MLLT3: variants seen among roughly 807,000 people sequenced by gnomAD.
The protein encoded by MLLT3 is protein AF-9.
MLLT3 carries 4 observed loss-of-function variants against 53.2 expected under a neutral mutation model. The ratio of observed to expected loss-of-function variants is 0.08; its 90% confidence interval spans 0.04 to 0.17. The LOEUF is 0.17. Among genes scored for constraint, MLLT3 ranks in the 10% least tolerant of loss-of-function variants. The pLI is 1.00. For missense variants in MLLT3, 569 were observed against 684.0 expected, an observed-to-expected ratio of 0.83 and a Z score of 1.87; for synonymous variants, 283 against 230.6, an observed-to-expected ratio of 1.23 and a Z score of -2.06.
At chr9:20,480,225 T>C (rs1043864805) in intron 2 of MLLT3, among the ~76,000 whole-genome samples, 1 of 152,320 alleles carries the variant, frequency 6.6e-6, no homozygotes, top group Admixed American at 6.5e-5. Context: ...ACGCATGCTG[T>C]CTTCTTGAGA....
Position 20,341,708 on chromosome 9 carries a change from A to G in MLLT3, c.*4735T>C. 5.4e-6 allele frequency: 1 copy of G among 183,974 alleles called. No homozygotes were observed. Among genetic ancestry groups the G allele is most frequent in the Non-Finnish European group, 1.2e-5 (1 of 86,792 alleles). 11.4% of individuals were successfully genotyped at this position (183,974 alleles called of 1,614,324 possible). A position where few individuals can be genotyped will look rare whatever the true frequency, so the allele number is the denominator to read the frequency against. Reference sequence around the variant, plus strand: ...GAATGTATTTTATTCTCTTTGTTGTAGTAGTTGTTCTCCTTCCTGTCTAAT... The same window carrying G: ...GAATGTATTTTATTCTCTTTGTTGTGGTAGTTGTTCTCCTTCCTGTCTAAT... On this transcript the variant is annotated 3_prime_UTR_variant, in exon 11 of 11. Transcript: ENST00000380338.
chr9:20,499,137 C>T lies in MLLT3; in HGVS notation c.194-42351G>A, dbSNP rs1161732619. On this transcript the variant is annotated intron_variant, in intron 2 of 10. Transcript: ENST00000380338. Reference sequence around the variant, plus strand: ...ATCTCTGTCTCCATCTTCCCATGGGCTTCTTCCTGCCTCTGTATCTTCATA... The same window carrying T: ...ATCTCTGTCTCCATCTTCCCATGGGTTTCTTCCTGCCTCTGTATCTTCATA... Among the ~76,000 whole-genome samples the T allele has an allele frequency of 2.6e-5, 4 of 152,332 alleles. No homozygotes were observed. In the East Asian group the frequency reaches 7.7e-4, roughly 29 times the overall value.
intron 2 of MLLT3, among the ~76,000 whole-genome samples, chr9:20,573,216 G>T (rs2131166215): frequency 7.2e-6 from 1 of 137,960 alleles, no homozygotes; most frequent in Non-Finnish European, 1.5e-5. Context: ...AGTCTCACTT[G>T]GTCACCCAGG....
chr9:20,556,679 T>C (rs1368741471), intron 2 of MLLT3, among the ~76,000 whole-genome samples: 1 of 151,686 alleles, frequency 6.6e-6, no homozygotes, highest in East Asian at 1.9e-4. Context: ...CAAAACTCCA[T>C]CTCAAAATAA....
intron 2 of MLLT3, among the ~76,000 whole-genome samples, chr9:20,570,516 C>G (rs147200263): frequency 8.1e-4 from 124 of 152,288 alleles, no homozygotes; most frequent in African/African-American, 3.0e-3. Flanking sequence ...TTACATCAAA[C>G]TATTTTTGTT....
chr9:20,543,379 T>C (rs1454344503), intron 2 of MLLT3, among the ~76,000 whole-genome samples: 2 of 152,258 alleles, frequency 1.3e-5, no homozygotes, highest in African/African-American at 4.8e-5. Context: ...TTCACTGGAA[T>C]ACACAGTTCA....
At chr9:20,577,860 T>A (rs1181677775) in intron 2 of MLLT3, among the ~76,000 whole-genome samples, 1 of 152,232 alleles carries the variant, frequency 6.6e-6, no homozygotes, top group Non-Finnish European at 1.5e-5. Context: ...TTCAGCTTCC[T>A]GATTACAGCA....
At chr9:20,446,252 G>A (rs1026168084) in intron 4 of MLLT3, among the ~76,000 whole-genome samples, 8 of 152,152 alleles carry the variant, frequency 5.3e-5, no homozygotes, top group Non-Finnish European at 1.0e-4. Context: ...TTATTTTAGA[G>A]TTGTCAAGAC....
intron 4 of MLLT3, among the ~76,000 whole-genome samples, chr9:20,445,295 A>C (rs1201840653): frequency 2.0e-5 from 3 of 152,200 alleles, no homozygotes; most frequent in Non-Finnish European, 4.4e-5. Context: ...ACAAGAATAT[A>C]CTTAATATTA....
chr9:20,349,711 C>G (rs577977791), intron 10 of MLLT3, among the ~76,000 whole-genome samples: 1 of 152,174 alleles, frequency 6.6e-6, no homozygotes. Context: ...AACGTCAGCC[C>G]GGGCATTTCT....
rs142513672 is a variant in MLLT3 at position 20,393,836 on chromosome 9, G to T, written c.1125+19885C>A. ...GCATAGAAAACTAAGAGTAACAAGA[G>T]AAAGTGATAACTGTAACTTGAGATA... On this transcript the variant is annotated intron_variant, in intron 5 of 10. Coordinates refer to ENST00000380338, the MANE Select transcript of MLLT3 (RefSeq NM_004529.4). Among the ~76,000 whole-genome samples the T allele has an allele frequency of 2.6e-5, 4 of 152,262 alleles. No individual in the cohort carries two copies. In the East Asian group the frequency reaches 7.7e-4, roughly 29 times the overall value.
rs1330074387 is a variant in MLLT3, at chr9:20,456,002, G to A, written c.276+702C>T. The stretch of plus-strand genomic sequence containing the variant: ...CACCCAGGCTGGAATGCAGTAGTGC[G>A]ATCTCGGCTCACTGCCATCTCCGTC... On this transcript the variant is annotated intron_variant, in intron 3 of 10. Coordinates refer to ENST00000380338, the MANE Select transcript of MLLT3 (RefSeq NM_004529.4). 3.4e-5 allele frequency among the ~76,000 whole-genome samples: 5 copies of A among 148,832 alleles called. No homozygotes were observed. In the South Asian group the frequency reaches 8.5e-4, roughly 25 times the overall value.
intron 2 of MLLT3, among the ~76,000 whole-genome samples, chr9:20,604,663 G>A (rs1820518746): frequency 6.6e-6 from 1 of 152,054 alleles, no homozygotes. Context: ...TTTATTTTGT[G>A]AGGCCACTGG....
At chr9:20,543,786 G>A (rs1818709735) in intron 2 of MLLT3, among the ~76,000 whole-genome samples, 1 of 151,944 alleles carries the variant, frequency 6.6e-6, no homozygotes, top group Non-Finnish European at 1.5e-5. Context: ...GAAAAAAACT[G>A]AAAACATTGC....
At chr9:20,528,746 G>C (rs1818261347) in intron 2 of MLLT3, among the ~76,000 whole-genome samples, 1 of 152,190 alleles carries the variant, frequency 6.6e-6, no homozygotes, top group Non-Finnish European at 1.5e-5. Context: ...AATCCAGGAT[G>C]ATCTCTTTAT....
intron 2 of MLLT3, among the ~76,000 whole-genome samples, chr9:20,556,317 T>G (rs1819056541): frequency 6.6e-6 from 1 of 152,216 alleles, no homozygotes. Context: ...ATTGATATAT[T>G]TTTATTACAT....
intron 2 of MLLT3, among the ~76,000 whole-genome samples, chr9:20,479,318 T>G (rs1489768229): frequency 6.6e-6 from 1 of 152,202 alleles, no homozygotes; most frequent in Non-Finnish European, 1.5e-5. Context: ...GGGTATCTTT[T>G]AAGCACTAGA....
intron 5 of MLLT3, among the ~76,000 whole-genome samples, chr9:20,379,758 T>C (rs1267975207): frequency 6.6e-6 from 1 of 152,046 alleles, no homozygotes; most frequent in African/African-American, 2.4e-5. Flanking sequence ...GGCTTAACAT[T>C]CTTAACAAGT....
At chr9:20,479,014 G>C (rs1824596181) in intron 2 of MLLT3, among the ~76,000 whole-genome samples, 1 of 152,110 alleles carries the variant, frequency 6.6e-6, no homozygotes, top group Admixed American at 6.5e-5. Flanking sequence ...TGGATTTGAA[G>C]GCTCTCAATT....
Sources: allele counts gnomAD v4.1 joint callset (sites outside exome capture counted in the v4.1 genomes callset), GRCh38; gene constraint gnomAD v4.1.1; transcripts MANE v1.5; gene names NCBI Gene and HGNC (gene_info 2026-07-23, HGNC 2026-07-21).